Variants in PEBP4 observed in about 807,000 individuals in gnomAD.
The protein encoded by PEBP4 is phosphatidylethanolamine binding protein 4, also known as phosphatidylethanolamine-binding protein 4.
In PEBP4, 22 loss-of-function variants were observed where a neutral mutation model predicts 23.9. The ratio of observed to expected loss-of-function variants is 0.92; its 90% CI spans 0.66 to 1.31. PEBP4 has a LOEUF of 1.31. Among genes scored for constraint, PEBP4 ranks in the 40% most tolerant of loss-of-function variants. The pLI is 0.00. For missense variants in PEBP4, 324 were observed against 281.7 expected (o/e 1.15, Z -1.07); for synonymous variants, 112 against 99.3 (o/e 1.13, Z -0.76).
intron 3 of PEBP4, among the ~76,000 whole-genome samples, chr8:22,828,000 T>A (rs1047063253): frequency 1.3e-5 from 2 of 152,230 alleles, no homozygotes; most frequent in African/African-American, 4.8e-5. Flanking sequence ...CATGTCCTTA[T>A]TGACTATTTT....
chr8:22,873,125 G>A (rs1388256981), intron 3 of PEBP4, among the ~76,000 whole-genome samples: 1 of 152,210 alleles, frequency 6.6e-6, no homozygotes. Flanking sequence ...TGAGTATAAA[G>A]AGAAAGGGGC....
At chr8:22,768,873 C>T (rs923756661) in intron 4 of PEBP4, among the ~76,000 whole-genome samples, 15 of 152,198 alleles carry the variant, frequency 9.9e-5, no homozygotes, top group African/African-American at 3.6e-4. Context: ...GAAGGAACCG[C>T]CCGTTCCTAT....
At chr8:22,754,579 GAGCAA>G (rs999359089) in intron 4 of PEBP4, among the ~76,000 whole-genome samples, 1 of 152,174 alleles carries the variant, frequency 6.6e-6, no homozygotes, top group Non-Finnish European at 1.5e-5. Context: ...TCTTTTCAGG[GAGCAA>G]AGCAGAGAGG....
chr8:22,713,431 G>T lies in PEBP4; in HGVS notation c.623C>A (p.Ala208Asp), dbSNP rs1372095883. 2 of 1,613,414 alleles carry T rather than the reference G, an allele frequency of 1.2e-6. No individual in the cohort carries two copies. Among genetic ancestry groups the T allele is most frequent in the Non-Finnish European group, 8.5e-7 (1 of 1,179,808 alleles). ...QNYQDSPTLQ[A>D]PRERASEPKH... ...GGGCTCGCTGGCCCTTTCTCTGGGA[G>T]CCTGGAGGGTTGGTGAGTCCTGGTA... is the stretch of plus-strand genomic sequence containing the variant. Residue 208 changes from alanine to aspartate, a missense_variant, in exon 7 of 7, where the codon GCT becomes GAT. By Grantham distance (126) the Ala-to-Asp change is moderately radical. Transcript: ENST00000256404.
chr8:22,847,284 T>A lies in PEBP4; in HGVS notation c.259-29549A>T, dbSNP rs117721886. On this transcript the variant is annotated intron_variant, in intron 3 of 6. Coordinates refer to ENST00000256404, the MANE Select transcript of PEBP4 (RefSeq NM_144962.3). Reference sequence around the variant, plus strand: ...CATCCTCTCCCATCCTACCCTGGCATACAACGCTTTAAGGTGTCACTTCTG... The same window carrying A: ...CATCCTCTCCCATCCTACCCTGGCAAACAACGCTTTAAGGTGTCACTTCTG... Among the ~76,000 whole-genome samples the A allele has an allele frequency of 2.8e-3, 420 of 152,316 alleles. 15 individuals are homozygous for A. In the East Asian group the frequency reaches 0.07, roughly 25 times the overall value.
At chr8:22,937,568 A>G (rs549802712) in intron 1 of PEBP4, among the ~76,000 whole-genome samples, 6 of 152,140 alleles carry the variant, frequency 3.9e-5, no homozygotes, top group Non-Finnish European at 8.8e-5. Flanking sequence ...TTTTTACAGA[A>G]ATAGAAAAAC....
intron 4 of PEBP4, among the ~76,000 whole-genome samples, chr8:22,748,553 T>A (rs1357028539): frequency 6.6e-6 from 1 of 150,786 alleles, no homozygotes; most frequent in Non-Finnish European, 1.5e-5. Flanking sequence ...CTTGCTCTTC[T>A]CCCCTCCCCA....
intron 2 of PEBP4, among the ~76,000 whole-genome samples, chr8:22,923,601 C>A (rs966500681): frequency 6.6e-6 from 1 of 151,966 alleles, no homozygotes; most frequent in Admixed American, 6.6e-5. Context: ...CTCAGCTGTG[C>A]CTGTATGAAG....
chr8:22,715,706 C>G (rs543575124), intron 6 of PEBP4, among the ~76,000 whole-genome samples: 1 of 152,318 alleles, frequency 6.6e-6, no homozygotes, highest in African/African-American at 2.4e-5. Flanking sequence ...CCCTGTGGTT[C>G]TCGGGCTCCC....
At chr8:22,726,180 A>G (rs942594188) in intron 5 of PEBP4, among the ~76,000 whole-genome samples, 2 of 152,160 alleles carry the variant, frequency 1.3e-5, no homozygotes, top group Non-Finnish European at 2.9e-5. Flanking sequence ...GTGTGTGTGT[A>G]AATGCAGGTA....
intron 3 of PEBP4, among the ~76,000 whole-genome samples, chr8:22,877,303 G>A (rs1216324086): frequency 6.6e-6 from 1 of 152,128 alleles, no homozygotes; most frequent in Non-Finnish European, 1.5e-5. Flanking sequence ...GGGGCTACGT[G>A]TCCTTATTGT....
intron 4 of PEBP4, among the ~76,000 whole-genome samples, chr8:22,793,849 G>T (rs1245316998): frequency 2.0e-5 from 3 of 152,036 alleles, no homozygotes; most frequent in Non-Finnish European, 4.4e-5. Flanking sequence ...CATTTTAAAG[G>T]CATTTGACAT....
intron 3 of PEBP4, chr8:22,887,131 T>C (rs929731879): frequency 6.6e-6 from 1 of 151,906 alleles, no homozygotes; most frequent in East Asian, 1.9e-4. Context: ...TGTGTGTGTG[T>C]GTGTATTTCT....
chr8:22,734,973 G>C (rs562816778), intron 4 of PEBP4, among the ~76,000 whole-genome samples: 69 of 152,308 alleles, frequency 4.5e-4, no homozygotes, highest in African/African-American at 1.6e-3. Context: ...GAAAAGTACA[G>C]GCTGTCCAGG....
intron 6 of PEBP4, among the ~76,000 whole-genome samples, chr8:22,713,840 T>C (rs944895394): frequency 6.7e-6 from 1 of 148,508 alleles, no homozygotes; most frequent in Non-Finnish European, 1.5e-5. Context: ...AAAACTGCCT[T>C]CTCGCTCCCG....
chr8:22,833,190 TC>T (rs1467204386), intron 3 of PEBP4, among the ~76,000 whole-genome samples: 1 of 152,180 alleles, frequency 6.6e-6, no homozygotes, highest in Non-Finnish European at 1.5e-5. Context: ...CACCATCATG[TC>T]CCTCTGTGTG....
intron 4 of PEBP4, among the ~76,000 whole-genome samples, chr8:22,765,505 A>G (rs1490446916): frequency 6.6e-6 from 1 of 152,084 alleles, no homozygotes. Context: ...TCATGAGCCC[A>G]TGCCTGGATG....
chr8:22,834,324 G>A (rs1807154748), intron 3 of PEBP4, among the ~76,000 whole-genome samples: 3 of 152,226 alleles, frequency 2.0e-5, no homozygotes, highest in African/African-American at 4.8e-5. Context: ...GGCCCGCCAG[G>A]ATGCAAGCCG....
At chr8:22,754,568 C>T (rs532339566) in intron 4 of PEBP4, among the ~76,000 whole-genome samples, 4 of 152,312 alleles carry the variant, frequency 2.6e-5, no homozygotes, top group East Asian at 1.9e-4. Flanking sequence ...GAGCCTTTTG[C>T]TCTTTTCAGG....
Sources: allele counts gnomAD v4.1 joint callset (sites outside exome capture counted in the v4.1 genomes callset), GRCh38; gene constraint gnomAD v4.1.1; transcripts MANE v1.5; gene names NCBI Gene and HGNC (gene_info 2026-07-23, HGNC 2026-07-21).